The following CSMD1 variants were observed in gnomAD, a reference collection of about 807,000 sequenced individuals.
CSMD1 encodes the protein CUB and sushi domain-containing protein 1.
A neutral mutation model predicts 417.5 loss-of-function variants in CSMD1; 213 were observed. The ratio of observed to expected loss-of-function variants is 0.51; its 90% CI spans 0.46 to 0.57. CSMD1 has a LOEUF of 0.57. Among genes scored for constraint, CSMD1 ranks in the 20% least tolerant of loss-of-function variants. The pLI is 0.00. For synonymous variants in CSMD1, 2,862 were observed against 1,736.8 expected (o/e 1.65, Z -16.11); for missense variants, 6,923 against 4,529.7 (o/e 1.53, Z -15.17).
chr8:4,133,469 C>A lies in CSMD1; in HGVS notation c.416-101370G>T, dbSNP rs1388602915. Among the ~76,000 whole-genome samples the A allele has an allele frequency of 6.6e-5, 10 of 152,220 alleles. No homozygotes were observed. In the South Asian group the frequency reaches 2.1e-3, roughly 32 times the overall value. ...ATTTACCTTATTTTTCTTTCAGCCCCAAATCAGCTAGTATAGAAGAAAAGC... is the reference window on the plus strand; with the variant it reads ...ATTTACCTTATTTTTCTTTCAGCCCAAAATCAGCTAGTATAGAAGAAAAGC... On this transcript the variant is annotated intron_variant, in intron 3 of 69. Coordinates refer to ENST00000635120, the MANE Select transcript of CSMD1 (RefSeq NM_033225.6).
intron 15 of CSMD1, among the ~76,000 whole-genome samples, chr8:3,405,455 C>G (rs972687693): frequency 3.3e-5 from 5 of 152,140 alleles, no homozygotes; most frequent in African/African-American, 9.6e-5. Context: ...ACAAGAACAA[C>G]AAAATAGTTA....
In CSMD1 at chr8:3,643,152, G is replaced by C. The variant is rs538929022; in HGVS notation, c.1010-26355C>G. On this transcript the variant is annotated intron_variant, in intron 7 of 69. Transcript: ENST00000635120. ...CAGTCAGGGAAAAACCATGTGTAAA[G>C]ATATTATAAGTGAGAGCCACATCCA... is the stretch of plus-strand genomic sequence containing the variant. 2.0e-5 allele frequency among the ~76,000 whole-genome samples: 3 copies of C among 152,088 alleles called. No homozygotes were observed. In the South Asian group the frequency reaches 6.2e-4, roughly 32 times the overall value.
At chr8:3,262,288 A>C (rs371007522) in intron 26 of CSMD1, among the ~76,000 whole-genome samples, 1 of 147,314 alleles carries the variant, frequency 6.8e-6, no homozygotes, top group East Asian at 2.0e-4. Flanking sequence ...AATAAGCGTC[A>C]CAGAAGTCAT....
chr8:3,987,174 A>G (rs1338921272), intron 5 of CSMD1, among the ~76,000 whole-genome samples: 4 of 152,202 alleles, frequency 2.6e-5, no homozygotes, highest in Admixed American at 2.0e-4. Context: ...GCAATCCAGT[A>G]TATACACTTC....
intron 3 of CSMD1, among the ~76,000 whole-genome samples, chr8:4,360,933 T>C (rs548582302): frequency 6.6e-6 from 1 of 152,204 alleles, no homozygotes; most frequent in Non-Finnish European, 1.5e-5. Flanking sequence ...GTGAATTTCT[T>C]TTTAATCATT....
At chr8:3,310,716 G>A (rs62504438) in intron 23 of CSMD1, among the ~76,000 whole-genome samples, 12,595 of 151,510 alleles carry the variant, frequency 0.083, 667 homozygotes, top group Non-Finnish European at 0.12. Context: ...GGCCGCCCAT[G>A]CTAACAGGGC....
chr8:3,545,145 C>G (rs933140263), intron 10 of CSMD1, among the ~76,000 whole-genome samples: 1 of 152,170 alleles, frequency 6.6e-6, no homozygotes, highest in Non-Finnish European at 1.5e-5. Flanking sequence ...TCCGTCATTA[C>G]TTGCAATCTA....
chr8:4,506,361 C>T (rs1802526869), intron 2 of CSMD1, among the ~76,000 whole-genome samples: 1 of 151,916 alleles, frequency 6.6e-6, no homozygotes, highest in Middle Eastern at 3.4e-3. Flanking sequence ...ACCCAGACTC[C>T]TTTTCCATGA....
At chr8:3,970,378 C>T (rs1812998055) in intron 5 of CSMD1, among the ~76,000 whole-genome samples, 1 of 152,178 alleles carries the variant, frequency 6.6e-6, no homozygotes, top group African/African-American at 2.4e-5. Flanking sequence ...TCCGACCAAA[C>T]AGTAAATCTG....
chr8:4,162,802 T>G (rs931742653), intron 3 of CSMD1, among the ~76,000 whole-genome samples: 1 of 152,174 alleles, frequency 6.6e-6, no homozygotes, highest in Non-Finnish European at 1.5e-5. Flanking sequence ...GTATTGTACA[T>G]GCTATGGGTG....
At chr8:4,090,205 G>A (rs890844046) in intron 3 of CSMD1, among the ~76,000 whole-genome samples, 1 of 152,114 alleles carries the variant, frequency 6.6e-6, no homozygotes, top group East Asian at 1.9e-4. Flanking sequence ...GTACATGATT[G>A]TCTTAAAAAG....
At chr8:2,999,550 G>C (rs1264551112) in intron 53 of CSMD1, among the ~76,000 whole-genome samples, 1 of 152,154 alleles carries the variant, frequency 6.6e-6, no homozygotes, top group Non-Finnish European at 1.5e-5. Flanking sequence ...GGATGAGGCA[G>C]GGAGTGCCGC....
chr8:3,794,957 T>C (rs1314814270), intron 5 of CSMD1, among the ~76,000 whole-genome samples: 6 of 151,916 alleles, frequency 3.9e-5, no homozygotes, highest in Non-Finnish European at 8.8e-5. Context: ...TAGATATATA[T>C]CTATCATGTA....
At chr8:4,311,462 G>C (rs1233149118) in intron 3 of CSMD1, among the ~76,000 whole-genome samples, 1 of 152,102 alleles carries the variant, frequency 6.6e-6, no homozygotes, top group Non-Finnish European at 1.5e-5. Context: ...GTGGCTCACA[G>C]CTGTAATCCC....
At chr8:3,990,417 C>T (rs1324918941) in intron 5 of CSMD1, among the ~76,000 whole-genome samples, 1 of 152,134 alleles carries the variant, frequency 6.6e-6, no homozygotes, top group African/African-American at 2.4e-5. Flanking sequence ...ACTTCTCTCC[C>T]GGGATAACTA....
intron 4 of CSMD1, among the ~76,000 whole-genome samples, chr8:4,000,440 A>G (rs1056047119): frequency 1.3e-5 from 2 of 152,268 alleles, no homozygotes; most frequent in African/African-American, 4.8e-5. Context: ...AAGAGGAAGA[A>G]CATATTCCAG....
intron 1 of CSMD1, among the ~76,000 whole-genome samples, chr8:4,743,962 T>G (rs1377944199): frequency 2.0e-5 from 3 of 152,212 alleles, no homozygotes; most frequent in Non-Finnish European, 4.4e-5. Flanking sequence ...AGTGATTCCA[T>G]GAGATGACGG....
chr8:4,517,001 T>A (rs889138130), intron 2 of CSMD1, among the ~76,000 whole-genome samples: 1 of 152,224 alleles, frequency 6.6e-6, no homozygotes. Context: ...GTTAACGGAC[T>A]ATATCAGATA....
intron 50 of CSMD1, among the ~76,000 whole-genome samples, chr8:3,030,784 C>T (rs1269039451): frequency 6.6e-6 from 1 of 152,094 alleles, no homozygotes; most frequent in Non-Finnish European, 1.5e-5. Context: ...TACACCAAGC[C>T]TATATTCAAA....
Sources: gnomAD v4.1 joint callset for allele counts (sites outside exome capture counted in the v4.1 genomes callset) on GRCh38, gnomAD v4.1.1 for gene constraint, MANE v1.5 for transcripts, NCBI Gene and HGNC (gene_info 2026-07-23, HGNC 2026-07-21) for gene names.